The following MALRD1 variants were observed in gnomAD, a reference collection of about 807,000 sequenced individuals.
MALRD1 encodes the protein MAM and LDL-receptor class A domain-containing protein 1.
A neutral mutation model predicts 242.1 loss-of-function variants in MALRD1; 247 were observed. The ratio of observed to expected loss-of-function variants is 1.02; its 90% confidence interval spans 0.92 to 1.13. The LOEUF is 1.13. MALRD1 is among the 50% of genes most tolerant of loss of function. The pLI, the probability that MALRD1 is intolerant of heterozygous loss-of-function variation, is 0.00. For synonymous variants in MALRD1, 995 were observed against 866.6 expected (o/e 1.15, Z -2.60); for missense variants, 2,989 against 2,533.1 (o/e 1.18, Z -3.86).
intron 38 of MALRD1, among the ~76,000 whole-genome samples, chr10:19,717,239 A>G (rs368126277): frequency 2.6e-5 from 4 of 152,336 alleles, no homozygotes; most frequent in East Asian, 3.9e-4. Context: ...TCCATAAGAC[A>G]ACACGTGCTT....
intron 36 of MALRD1, among the ~76,000 whole-genome samples, chr10:19,627,378 G>A (rs1358698606): frequency 1.3e-5 from 2 of 151,938 alleles, no homozygotes; most frequent in African/African-American, 4.8e-5. Context: ...AAAGTATTCA[G>A]TGTGGTAAAA....
At chr10:19,071,440 C>G (rs1413916021) in intron 2 of MALRD1, among the ~76,000 whole-genome samples, 3 of 152,026 alleles carry the variant, frequency 2.0e-5, no homozygotes, top group African/African-American at 7.2e-5. Flanking sequence ...TGCACTCCAT[C>G]TGCAGCTGCA....
intron 36 of MALRD1, among the ~76,000 whole-genome samples, chr10:19,655,528 GTGTATATATATA>G (rs1460624550): frequency 6.8e-5 from 7 of 102,942 alleles, no homozygotes; most frequent in African/African-American, 2.5e-4. Context: ...ATATGTGTGA[GTGTATATATATA>G]TATATATATA....
rs191788544 is a variant in MALRD1, at chr10:19,542,011, T to C, written c.5478+10660T>C. Among the ~76,000 whole-genome samples the C allele has an allele frequency of 5.2e-4, 79 of 152,264 alleles. 1 individual carries two copies. In the East Asian group the frequency reaches 0.015, roughly 29 times the overall value. On this transcript the variant is annotated intron_variant, in intron 32 of 39. Transcript: ENST00000454679. The stretch of plus-strand genomic sequence containing the variant: ...GAGAAAGAGCTAATCTAATATGACC[T>C]TCAAAATAGACTTTCTTTTCACAAT...
At chr10:19,110,365 G>A (rs545037484) in intron 5 of MALRD1, among the ~76,000 whole-genome samples, 3 of 152,168 alleles carry the variant, frequency 2.0e-5, no homozygotes, top group South Asian at 2.1e-4. Flanking sequence ...TAAAGTTCTC[G>A]TTTGCTTTTG....
chr10:19,234,832 G>A (rs1366753517), intron 18 of MALRD1, among the ~76,000 whole-genome samples: 2 of 152,110 alleles, frequency 1.3e-5, no homozygotes, highest in Non-Finnish European at 1.5e-5. Context: ...ACAATACAAA[G>A]GGGATGGCAT....
chr10:19,181,809 A>C (rs1835517633), intron 14 of MALRD1, among the ~76,000 whole-genome samples: 1 of 152,166 alleles, frequency 6.6e-6, no homozygotes. Context: ...TACTATCTAT[A>C]TGTATCCCAT....
chr10:19,053,041 C>G (rs1834557142), intron 1 of MALRD1, among the ~76,000 whole-genome samples: 1 of 152,174 alleles, frequency 6.6e-6, no homozygotes. Flanking sequence ...CTTACTCACT[C>G]TTCACCAGCC....
At chr10:19,475,288 G>A (rs1031686517) in intron 29 of MALRD1, among the ~76,000 whole-genome samples, 10 of 152,074 alleles carry the variant, frequency 6.6e-5, no homozygotes, top group Non-Finnish European at 1.0e-4. Flanking sequence ...GGTGGTGGGC[G>A]CCTGTAGTCC....
intron 14 of MALRD1, among the ~76,000 whole-genome samples, chr10:19,197,789 GT>G (rs1363252960): frequency 6.6e-6 from 1 of 152,000 alleles, no homozygotes; most frequent in Non-Finnish European, 1.5e-5. Flanking sequence ...TTTATCTTGT[GT>G]TTTTATTGTT....
intron 29 of MALRD1, among the ~76,000 whole-genome samples, chr10:19,454,405 G>GAGATATATATATATAT (rs1554775338): frequency 2.7e-4 from 22 of 80,528 alleles, no homozygotes; most frequent in African/African-American, 1.0e-3. Flanking sequence ...TTATGCATAT[G>GAGATATATATATATAT]ATATATATAT....
At chr10:19,633,597 A>G (rs574311400) in intron 36 of MALRD1, 1 of 152,166 alleles carries the variant, frequency 6.6e-6, no homozygotes, top group South Asian at 2.1e-4. Context: ...GATTTCCCCA[A>G]ATAGTTTTGT....
chr10:19,312,368 A>C (rs1842462895), intron 21 of MALRD1, among the ~76,000 whole-genome samples: 1 of 143,508 alleles, frequency 7.0e-6, no homozygotes, highest in African/African-American at 2.6e-5. Context: ...TACAGGGCAC[A>C]GAGGAATGTG....
At chr10:19,437,430 G>T (rs899304326) in intron 28 of MALRD1, among the ~76,000 whole-genome samples, 1 of 151,884 alleles carries the variant, frequency 6.6e-6, no homozygotes, top group Non-Finnish European at 1.5e-5. Context: ...TAAACTTGGA[G>T]TTTAGAAATG....
chr10:19,404,075 A>G (rs905119216), intron 28 of MALRD1, among the ~76,000 whole-genome samples: 3 of 152,156 alleles, frequency 2.0e-5, no homozygotes, highest in Non-Finnish European at 4.4e-5. Context: ...CTAAAAATAT[A>G]GTAAAGCTTA....
intron 18 of MALRD1, among the ~76,000 whole-genome samples, chr10:19,236,356 G>T (rs982049565): frequency 6.6e-6 from 1 of 152,136 alleles, no homozygotes; most frequent in Non-Finnish European, 1.5e-5. Context: ...GCTCATGTAG[G>T]TGTAACCTAG....
At position 19,104,044 on chromosome 10, in the gene MALRD1, A is replaced by C; in HGVS notation, c.663A>C (p.Ile221=). The change falls in exon 5 of 40, where the codon ATA becomes ATC. Residue 221 remains isoleucine (I), a synonymous_variant. Transcript: ENST00000454679. ...ATGAAGTCATTGCTATTGATGATAT[A>C]TCTTTCAGTTCAGGCTGCTTGCCTG... ...EQDEVIAIDD[I]SFSSGCLPAN... is the part of the protein sequence containing the mutation. 8.1e-7 allele frequency: 1 copy of C among 1,233,832 alleles called. No homozygotes were observed. Among genetic ancestry groups the C allele is most frequent in the Non-Finnish European group, 1.0e-6 (1 of 988,102 alleles). 76.4% of individuals were successfully genotyped at this position (1,233,832 alleles called of 1,614,324 possible). A position where few individuals can be genotyped will look rare whatever the true frequency, so the allele number is the denominator to read the frequency against.
chr10:19,473,723 G>A (rs1249425087), intron 29 of MALRD1, among the ~76,000 whole-genome samples: 1 of 151,992 alleles, frequency 6.6e-6, no homozygotes, highest in Non-Finnish European at 1.5e-5. Context: ...TTGTTTATCT[G>A]TTAATGGACA....
chr10:19,119,365 C>T (rs767700813), intron 5 of MALRD1, among the ~76,000 whole-genome samples: 21 of 152,088 alleles, frequency 1.4e-4, no homozygotes, highest in African/African-American at 2.9e-4. Context: ...GAGTAATTCA[C>T]GCAGAGCCGG....
Sources: gnomAD v4.1 joint callset for allele counts (sites outside exome capture counted in the v4.1 genomes callset) on GRCh38, gnomAD v4.1.1 for gene constraint, MANE v1.5 for transcripts, NCBI Gene and HGNC (gene_info 2026-07-23, HGNC 2026-07-21) for gene names.